Variants in STX3 observed in about 807,000 individuals in gnomAD.
The protein encoded by STX3 is syntaxin-3.
STX3 carries 19 observed loss-of-function variants against 40.2 expected under a neutral mutation model. The ratio of observed to expected loss-of-function variants is 0.47; its 90% CI spans 0.33 to 0.69. The LOEUF is 0.69. STX3 is among the 30% of genes least tolerant of loss of function. The pLI is 0.02. For synonymous variants in STX3, 122 were observed against 132.2 expected (o/e 0.92, Z 0.53); for missense variants, 364 against 366.7 (o/e 0.99, Z 0.06).
intron 2 of STX3, among the ~76,000 whole-genome samples, chr11:59,779,845 A>C (rs547639798): frequency 7.0e-4 from 107 of 152,332 alleles, no homozygotes; most frequent in Non-Finnish European, 1.2e-3. Context: ...TGGATTTGCT[A>C]GGTATGCTTG....
At chr11:59,790,394 G>A in intron 4 of STX3, 125 bp from the exon 5 acceptor site, 1 of 723,978 alleles carries the variant, frequency 1.4e-6, no homozygotes. Context: ...GACCTTTTGA[G>A]GTGACACCTA....
At position 59,803,523 on chromosome 11, in the gene STX3, A is replaced by G. The variant is rs989999627; in HGVS notation, c.*2699A>G. ...GAGACAGAAGGTGGCAATCTGTCCT[A>G]TAACCTGGTGTGGCAGAATGCTTTG... On this transcript the variant is annotated 3_prime_UTR_variant, in exon 11 of 11. Transcript: ENST00000337979. 2.0e-5 allele frequency among the ~76,000 whole-genome samples: 3 copies of G among 152,220 alleles called. No homozygotes were observed. Among genetic ancestry groups the G allele is most frequent in the African/African-American group, 4.8e-5 (2 of 41,458 alleles).
intron 1 of STX3, among the ~76,000 whole-genome samples, chr11:59,759,809 T>TA (rs2134856695): frequency 6.6e-6 from 1 of 152,346 alleles, no homozygotes; most frequent in Non-Finnish European, 1.5e-5. Flanking sequence ...CATAGTTCCT[T>TA]AGGATAACAT....
At chr11:59,776,474 A>G (rs1216393256) in intron 2 of STX3, among the ~76,000 whole-genome samples, 3 of 151,374 alleles carry the variant, frequency 2.0e-5, no homozygotes, top group Non-Finnish European at 4.4e-5. Context: ...AATTGGGATA[A>G]ATTATGTTTC....
At chr11:59,773,924 C>T (rs766960815) in intron 2 of STX3, among the ~76,000 whole-genome samples, 3 of 146,954 alleles carry the variant, frequency 2.0e-5, no homozygotes, top group South Asian at 2.1e-4. Flanking sequence ...GAGCCGAGAT[C>T]GCACCACTGC....
At position 59,798,214 on chromosome 11, in the gene STX3, T is replaced by G. The variant is rs368690285; in HGVS notation, c.*30+818T>G. Among the ~76,000 whole-genome samples, 1,418 of 152,242 alleles carry G rather than the reference T, an allele frequency of 9.3e-3. 14 individuals carry two copies. The highest frequency in any genetic ancestry group is 0.022 in the African/African-American group (924 of 41,552). ...AGACTTACCACTGAATCACTGGTTT[T>G]TTTTTTTTTTTGAGACGGAGTCTTG... On this transcript the variant is annotated intron_variant, in intron 10 of 10. Coordinates refer to ENST00000337979, the MANE Select transcript of STX3 (RefSeq NM_004177.5).
chr11:59,797,387 G>C lies in STX3; in HGVS notation c.*21G>C. Reference sequence around the variant, plus strand: ...ATTAAGAGTGGCCTAAGAGGCTGCTGCACTGAAATGTAAGTAAACGAGTGG... The same window carrying C: ...ATTAAGAGTGGCCTAAGAGGCTGCTCCACTGAAATGTAAGTAAACGAGTGG... On this transcript the variant is annotated 3_prime_UTR_variant, in exon 10 of 11. Coordinates refer to ENST00000337979, the MANE Select transcript of STX3 (RefSeq NM_004177.5). 1 of 1,613,330 alleles carries C rather than the reference G, an allele frequency of 6.2e-7. No individual in the cohort carries two copies. Among genetic ancestry groups the C allele is most frequent in the Non-Finnish European group, 8.5e-7 (1 of 1,179,546 alleles).
At chr11:59,769,224 C>T (rs887148427) in intron 1 of STX3, among the ~76,000 whole-genome samples, 3 of 151,974 alleles carry the variant, frequency 2.0e-5, no homozygotes, top group Non-Finnish European at 4.4e-5. Flanking sequence ...GCCATGGAGC[C>T]GATCTTACTG....
chr11:59,757,796 A>T (rs1229403636), intron 1 of STX3, among the ~76,000 whole-genome samples: 1 of 152,162 alleles, frequency 6.6e-6, no homozygotes, highest in Admixed American at 6.5e-5. Flanking sequence ...AATTGAGTTG[A>T]TCTCAGAAGC....
chr11:59,786,954 C>A lies in STX3; in HGVS notation c.115-83C>A. ...AACCCAGAAGATGGGCAGCTTTCAC[C>A]AGCAGCTCTGCCAAACGTTTATCTC... On this transcript the variant is annotated intron_variant, in intron 2 of 10. Coordinates refer to ENST00000337979, the MANE Select transcript of STX3 (RefSeq NM_004177.5). The A allele has an allele frequency of 2.4e-6, 3 of 1,226,574 alleles. No homozygotes were observed. In the East Asian group the frequency reaches 7.2e-5, roughly 29 times the overall value. The allele number at this position is 1,226,574 out of a possible 1,614,324, so 76.0% of individuals were successfully genotyped here.
intron 5 of STX3, among the ~76,000 whole-genome samples, chr11:59,791,540 G>A (rs1007130559): frequency 5.9e-5 from 9 of 152,180 alleles, no homozygotes; most frequent in Non-Finnish European, 1.3e-4. Context: ...TATGGTGGTA[G>A]TGGGTTTGGA....
chr11:59,795,429 A>G lies in STX3; in HGVS notation c.733A>G (p.Lys245Glu), dbSNP rs767350796. 6.2e-7 allele frequency: 1 copy of G among 1,613,676 alleles called. No individual in the cohort carries two copies. The highest frequency in any genetic ancestry group is 2.2e-5 in the East Asian group (1 of 44,884). The change falls in exon 9 of 11, where the codon AAG (lysine) becomes GAG (glutamate). Residue 245 changes from lysine to glutamate, a missense_variant. Physicochemically the swap from Lys to Glu is moderately conservative, Grantham distance 56. Transcript: ENST00000337979. ...NVMHTVDHVE[K>E]ARDETKKAVK... is the part of the protein sequence containing the mutation. ...CATGCACACAGTGGACCACGTGGAG[A>G]AGGCACGAGATGAAACGAAAAAAGC...
chr11:59,777,775 A>G (rs1158009071), intron 2 of STX3, among the ~76,000 whole-genome samples: 1 of 152,166 alleles, frequency 6.6e-6, no homozygotes, highest in Non-Finnish European at 1.5e-5. Context: ...CATAGCCCCA[A>G]TATTTAGTGG....
rs549496080 is a variant in STX3 at position 59,785,016 on chromosome 11, G to A, written c.115-2021G>A. Among the ~76,000 whole-genome samples the A allele has an allele frequency of 6.6e-5, 10 of 152,320 alleles. No individual in the cohort carries two copies. The South Asian group carries it at 1.9e-3, about 28-fold the overall frequency. On this transcript the variant is annotated intron_variant, in intron 2 of 10. Transcript: ENST00000337979. ...GCATGCTGTCCCTACCACTAGCTAT[G>A]TGACCTATAATTTCTTTAAACTTGT...
At chr11:59,793,354 A>G in intron 7 of STX3, 26 bp from the exon 8 acceptor site, 1 of 1,607,804 alleles carries the variant, frequency 6.2e-7, no homozygotes, top group Non-Finnish European at 8.5e-7. Flanking sequence ...AGGGGTAGCT[A>G]ACAGTCTGTG....
chr11:59,793,356 C>A, intron 7 of STX3, 24 bp from the exon 8 acceptor site: 1 of 1,607,948 alleles, frequency 6.2e-7, no homozygotes. Flanking sequence ...GGGTAGCTAA[C>A]AGTCTGTGTG....
chr11:59,774,072 A>G lies in STX3; in HGVS notation c.114+778A>G, dbSNP rs142152001. On this transcript the variant is annotated intron_variant, in intron 2 of 10. Transcript: ENST00000337979. ...TGCCAGTTTAGTTTTGTAAAAGTTC[A>G]ACAGGGGCAAAAATGGGTTCATGTC... Among the ~76,000 whole-genome samples the G allele has an allele frequency of 3.4e-3, 525 of 152,228 alleles. 5 individuals carry two copies. Among genetic ancestry groups the G allele is most frequent in the African/African-American group, 0.012 (490 of 41,542 alleles).
At chr11:59,761,989 T>C (rs1399806596) in intron 1 of STX3, among the ~76,000 whole-genome samples, 8 of 152,192 alleles carry the variant, frequency 5.3e-5, no homozygotes, top group Non-Finnish European at 8.8e-5. Flanking sequence ...ATTGGTACAT[T>C]ACTATTCACC....
chr11:59,756,104 T>C (rs1234258319), intron 1 of STX3, among the ~76,000 whole-genome samples: 1 of 152,158 alleles, frequency 6.6e-6, no homozygotes, highest in African/African-American at 2.4e-5. Flanking sequence ...GGTCACATGC[T>C]GGGATGGGTC....
Sources: allele counts gnomAD v4.1 joint callset (sites outside exome capture counted in the v4.1 genomes callset), GRCh38; gene constraint gnomAD v4.1.1; transcripts MANE v1.5; gene names NCBI Gene and HGNC (gene_info 2026-07-23, HGNC 2026-07-21).